Variants in PLEKHA5 observed in about 807,000 individuals in gnomAD.
PLEKHA5 encodes pleckstrin homology domain-containing family A member 5.
A neutral mutation model predicts 181.9 loss-of-function variants in PLEKHA5; 55 were observed. The observed-to-expected ratio is 0.30, with a 90% confidence interval of 0.24 to 0.38. The LOEUF (loss-of-function observed/expected upper bound fraction) is 0.38. Among genes scored for constraint, PLEKHA5 ranks in the 10% least tolerant of loss-of-function variants. The pLI is 1.00. For missense variants in PLEKHA5, 1,432 were observed against 1,549.5 expected (o/e 0.92, Z 1.27); for synonymous variants, 535 against 529.4 (o/e 1.01, Z -0.15).
chr12:19,200,995 A>T (rs116143381), intron 3 of PLEKHA5: 8 of 152,246 alleles, frequency 5.3e-5, no homozygotes, highest in African/African-American at 1.4e-4. Context: ...AAATTGATAA[A>T]TTAGACTTCA....
chr12:19,183,432 G>T (rs1232059996), intron 3 of PLEKHA5, among the ~76,000 whole-genome samples: 1 of 152,128 alleles, frequency 6.6e-6, no homozygotes, highest in Admixed American at 6.5e-5. Context: ...AACCCTGTGG[G>T]ATAATTATTA....
intron 3 of PLEKHA5, among the ~76,000 whole-genome samples, chr12:19,190,188 A>G (rs530531792): frequency 2.0e-5 from 3 of 152,342 alleles, no homozygotes; most frequent in Non-Finnish European, 4.4e-5. Flanking sequence ...AAGTTTTAGG[A>G]AATATTTTGT....
chr12:19,142,764 T>C (rs2037779233), intron 3 of PLEKHA5, among the ~76,000 whole-genome samples: 1 of 152,196 alleles, frequency 6.6e-6, no homozygotes, highest in Admixed American at 6.5e-5. Flanking sequence ...AATTTATTCA[T>C]CTTCTATAAG....
chr12:19,240,159 A>G (rs955189298), intron 3 of PLEKHA5, among the ~76,000 whole-genome samples: 1 of 152,210 alleles, frequency 6.6e-6, no homozygotes, highest in Admixed American at 6.5e-5. Flanking sequence ...AGTGATTAGC[A>G]GTTTTTCCCC....
chr12:19,174,379 C>T (rs2046694397), intron 3 of PLEKHA5, among the ~76,000 whole-genome samples: 2 of 152,086 alleles, frequency 1.3e-5, no homozygotes, highest in African/African-American at 4.8e-5. Flanking sequence ...TTCTAATATT[C>T]TGAGAACTTA....
chr12:19,159,212 C>T (rs2042425256), intron 3 of PLEKHA5, among the ~76,000 whole-genome samples: 1 of 152,132 alleles, frequency 6.6e-6, no homozygotes, highest in Non-Finnish European at 1.5e-5. Context: ...TTTATTTCCT[C>T]CTGTTTGTAT....
intron 8 of PLEKHA5, among the ~76,000 whole-genome samples, chr12:19,267,309 A>T (rs564687991): frequency 2.6e-5 from 4 of 152,306 alleles, no homozygotes; most frequent in African/African-American, 9.6e-5. Flanking sequence ...AATTCCCACC[A>T]CTTGTAGAGA....
At chr12:19,131,622 A>T (rs1281360722) in intron 2 of PLEKHA5, among the ~76,000 whole-genome samples, 1 of 151,856 alleles carries the variant, frequency 6.6e-6, no homozygotes, top group Non-Finnish European at 1.5e-5. Context: ...AACCCCACAG[A>T]TTTGGTAACA....
chr12:19,181,054 AT>A (rs758715273), intron 3 of PLEKHA5, among the ~76,000 whole-genome samples: 1 of 145,684 alleles, frequency 6.9e-6, no homozygotes, highest in Non-Finnish European at 1.5e-5. Flanking sequence ...AAAAAAAAAA[AT>A]CAATTTTGAT....
intron 3 of PLEKHA5, among the ~76,000 whole-genome samples, chr12:19,142,150 A>C (rs1033758811): frequency 1.3e-5 from 2 of 152,172 alleles, no homozygotes; most frequent in African/African-American, 2.4e-5. Flanking sequence ...CTTTGAAGCC[A>C]GGAGTTCAAG....
intron 3 of PLEKHA5, among the ~76,000 whole-genome samples, chr12:19,213,572 AG>A (rs1315487154): frequency 2.6e-5 from 4 of 152,196 alleles, no homozygotes; most frequent in Non-Finnish European, 4.4e-5. Context: ...GGAGCAGAAC[AG>A]GACAAATTGC....
chr12:19,265,303 G>A (rs969092436), intron 7 of PLEKHA5, among the ~76,000 whole-genome samples: 12 of 152,098 alleles, frequency 7.9e-5, no homozygotes, highest in African/African-American at 2.9e-4. Context: ...TTGAGAGTAG[G>A]CAATGGTAAC....
intron 3 of PLEKHA5, among the ~76,000 whole-genome samples, chr12:19,173,199 AT>A (rs1446172000): frequency 2.8e-5 from 4 of 143,848 alleles, no homozygotes; most frequent in Admixed American, 6.9e-5. Context: ...AATTTTTTGT[AT>A]TTTTAGTAGA....
At position 19,369,768 on chromosome 12, in the gene PLEKHA5, C is replaced by A; in HGVS notation, c.3830C>A (p.Ser1277Ter). 1 of 1,610,442 alleles carries A rather than the reference C, an allele frequency of 6.2e-7. No homozygotes were observed. Among genetic ancestry groups the A allele is most frequent in the South Asian group, 1.1e-5 (1 of 90,872 alleles). Residue 1277 changes from serine to a stop codon, truncating the protein, a stop_gained, in exon 31 of 32, where the codon TCA becomes TAA. Coordinates refer to ENST00000429027, the MANE Select transcript of PLEKHA5 (RefSeq NM_001256470.2). LOFTEE classifies it high-confidence loss of function. Reference protein sequence around the residue: ...PSTQPQLTEGSHFMCV With the variant: ...PSTQPQLTEG The stretch of plus-strand genomic sequence containing the variant: ...ACTCAGCCGCAGCTCACAGAAGGAT[C>A]ACATTTCATGTGTGTGTAGTCTTAG...
At chr12:19,206,577 G>T (rs1282031763) in intron 3 of PLEKHA5, among the ~76,000 whole-genome samples, 1 of 151,684 alleles carries the variant, frequency 6.6e-6, no homozygotes, top group Non-Finnish European at 1.5e-5. Flanking sequence ...AAAATGATGT[G>T]GGGGGTGGGA....
chr12:19,336,747 C>T (rs933150940), intron 21 of PLEKHA5, 131 bp downstream of exon 21: 5 of 581,276 alleles, frequency 8.6e-6, no homozygotes, highest in Non-Finnish European at 1.2e-5. Context: ...GATTTGAATA[C>T]TTTTAATGAC....
intron 3 of PLEKHA5, chr12:19,154,321 T>C (rs1275420744): frequency 4.6e-5 from 7 of 152,300 alleles, no homozygotes; most frequent in East Asian, 3.9e-4. Context: ...TTTTAACTTA[T>C]AGTCAACTTA....
At chr12:19,320,164 C>T (rs2090262601) in intron 17 of PLEKHA5, 108 bp downstream of exon 17, 3 of 430,206 alleles carry the variant, frequency 7.0e-6, no homozygotes, top group Admixed American at 8.8e-5. Context: ...ATGTATATAC[C>T]GTGAAGGATG....
intron 3 of PLEKHA5, among the ~76,000 whole-genome samples, chr12:19,184,301 T>C (rs761338335): frequency 6.6e-5 from 10 of 152,184 alleles, no homozygotes; most frequent in Non-Finnish European, 2.9e-5. Context: ...ATTTGAATAG[T>C]AAACCCCCAA....
Sources: allele counts gnomAD v4.1 joint callset (sites outside exome capture counted in the v4.1 genomes callset), GRCh38; gene constraint gnomAD v4.1.1; transcripts MANE v1.5; gene names NCBI Gene and HGNC (gene_info 2026-07-23, HGNC 2026-07-21).